Variants in RYR2 observed in about 807,000 individuals in gnomAD.
The protein encoded by RYR2 is ryanodine receptor 2.
In RYR2, 227 loss-of-function variants were observed where a neutral mutation model predicts 601.1. That is an observed-to-expected ratio of 0.38 (90% CI 0.34 to 0.42). The LOEUF is 0.42. RYR2 is among the 10% of genes least tolerant of loss of function. The probability of loss-of-function intolerance (pLI) is 1.00; values close to 1 mark genes in which losing one functional copy is unlikely to be tolerated. For missense variants in RYR2, 4,646 were observed against 6,156.5 expected (o/e 0.75, Z 8.21); for synonymous variants, 2,223 against 2,175.1 (o/e 1.02, Z -0.61).
chr1:237,597,225 A>G (rs1474503461), intron 34 of RYR2, among the ~76,000 whole-genome samples: 1 of 152,168 alleles, frequency 6.6e-6, no homozygotes, highest in Non-Finnish European at 1.5e-5. Flanking sequence ...TAAGGAACAT[A>G]CAATATAGAG....
intron 14 of RYR2, among the ~76,000 whole-genome samples, chr1:237,449,069 C>T (rs761161189): frequency 3.0e-4 from 46 of 152,256 alleles, no homozygotes; most frequent in Admixed American, 3.3e-4. Context: ...ACACACACGC[C>T]ACCACCATCA....
At chr1:237,521,742 A>G in intron 24 of RYR2, among the ~76,000 whole-genome samples, 2 of 67,164 alleles carry the variant, frequency 3.0e-5, no homozygotes. Flanking sequence ...AAAATTAAAT[A>G]CATAAAAAAA....
intron 19 of RYR2, among the ~76,000 whole-genome samples, chr1:237,493,683 A>G (rs1048886046): frequency 3.9e-5 from 6 of 152,116 alleles, no homozygotes; most frequent in African/African-American, 1.2e-4. Flanking sequence ...CGAACTCCTG[A>G]CCTCGTGATC....
intron 2 of RYR2, among the ~76,000 whole-genome samples, chr1:237,327,505 C>G (rs1418123417): frequency 2.0e-5 from 3 of 152,216 alleles, no homozygotes; most frequent in South Asian, 4.1e-4. Context: ...TTTAAATACA[C>G]CCAGAATATG....
chr1:237,120,334 T>C (rs1188763134), intron 1 of RYR2, among the ~76,000 whole-genome samples: 3 of 152,220 alleles, frequency 2.0e-5, no homozygotes, highest in Non-Finnish European at 4.4e-5. Flanking sequence ...AAATGCACTT[T>C]GAATTCCAAC....
In RYR2 at chr1:237,503,601, C is replaced by G; in HGVS notation, c.2613+96C>G. 6 of 1,139,108 alleles carry G rather than the reference C, an allele frequency of 5.3e-6. No homozygotes were observed. In the South Asian group the frequency reaches 8.3e-5, roughly 16 times the overall value. 70.6% of individuals were successfully genotyped at this position (1,139,108 alleles called of 1,614,324 possible). A position where few individuals can be genotyped will look rare whatever the true frequency, so the allele number is the denominator to read the frequency against. On this transcript the variant is annotated intron_variant, in intron 22 of 104. Transcript: ENST00000366574. The stretch of plus-strand genomic sequence containing the variant: ...GACCACAACCCATAGGAACGAATTT[C>G]ACAGTAATACAGTTGTACAGTTGAC...
At chr1:237,664,550 T>TC (rs1384588558) in intron 56 of RYR2, among the ~76,000 whole-genome samples, 2 of 152,162 alleles carry the variant, frequency 1.3e-5, no homozygotes, top group Non-Finnish European at 2.9e-5. Flanking sequence ...GAGAGGGGTT[T>TC]CCCCTTATGA....
chr1:237,258,326 T>A (rs978123027), intron 1 of RYR2, among the ~76,000 whole-genome samples: 2 of 151,972 alleles, frequency 1.3e-5, no homozygotes, highest in Admixed American at 1.3e-4. Flanking sequence ...ATGCAATATG[T>A]CTGATGGACT....
chr1:237,417,378 C>T (rs1705118874), intron 11 of RYR2, among the ~76,000 whole-genome samples: 1 of 152,156 alleles, frequency 6.6e-6, no homozygotes, highest in Non-Finnish European at 1.5e-5. Context: ...TCTTTAGCCT[C>T]ATTTGTTTTT....
At chr1:237,344,147 G>A (rs1257162811) in intron 3 of RYR2, among the ~76,000 whole-genome samples, 1 of 152,126 alleles carries the variant, frequency 6.6e-6, no homozygotes, top group Non-Finnish European at 1.5e-5. Flanking sequence ...TTAGTTCCTC[G>A]GGAAACTATT....
intron 62 of RYR2, 122 bp from the exon 63 acceptor site, chr1:237,687,333 T>C (rs1310249931): frequency 3.0e-6 from 2 of 662,172 alleles, no homozygotes; most frequent in Non-Finnish European, 2.6e-6. Context: ...TTCCGGCTCA[T>C]ATATCAGCTG....
intron 2 of RYR2, among the ~76,000 whole-genome samples, chr1:237,291,711 A>G (rs1264164546): frequency 1.3e-5 from 2 of 152,322 alleles, no homozygotes; most frequent in Middle Eastern, 3.4e-3. Context: ...ACATTCTGGA[A>G]CAGTCAAATC....
intron 25 of RYR2, among the ~76,000 whole-genome samples, chr1:237,540,911 G>GTATATATATATATATATA (rs61555601): frequency 1.3e-5 from 2 of 148,708 alleles, no homozygotes; most frequent in Non-Finnish European, 1.5e-5. Context: ...ATGTGTGTGT[G>GTATATATATATATATATA]TATATATATA....
chr1:237,237,686 T>TG (rs2149216906), intron 1 of RYR2, among the ~76,000 whole-genome samples: 1 of 152,334 alleles, frequency 6.6e-6, no homozygotes, highest in East Asian at 1.9e-4. Flanking sequence ...GAAATGGCTC[T>TG]GCAAAGCTAC....
chr1:237,269,125 C>T (rs1382249635), intron 1 of RYR2, among the ~76,000 whole-genome samples: 1 of 144,996 alleles, frequency 6.9e-6, no homozygotes, highest in Non-Finnish European at 1.5e-5. Flanking sequence ...TCACTGCAAC[C>T]TCCGCCTCCC....
At chr1:237,604,375 G>A (rs1239776716) in intron 35 of RYR2, among the ~76,000 whole-genome samples, 1 of 152,106 alleles carries the variant, frequency 6.6e-6, no homozygotes, top group Non-Finnish European at 1.5e-5. Flanking sequence ...TGAAACCAAC[G>A]AGAACAAAGA....
intron 10 of RYR2, among the ~76,000 whole-genome samples, chr1:237,389,794 T>C (rs1051657598): frequency 1.3e-5 from 2 of 152,038 alleles, no homozygotes; most frequent in Non-Finnish European, 2.9e-5. Context: ...CAGTAGGAAA[T>C]TGGGATGTCT....
At chr1:237,569,119 A>G (rs545164972) in intron 28 of RYR2, 26 bp from the exon 29 acceptor site, 2 of 1,592,796 alleles carry the variant, frequency 1.3e-6, no homozygotes, top group East Asian at 2.3e-5. Context: ...AGTCTGTGAC[A>G]AGGGACTTTT....
intron 10 of RYR2, among the ~76,000 whole-genome samples, chr1:237,393,405 C>T (rs377274340): frequency 7.2e-5 from 11 of 152,082 alleles, no homozygotes; most frequent in African/African-American, 2.7e-4. Context: ...ATTGATAAGG[C>T]ATGAGATGGA....
Sources: allele counts gnomAD v4.1 joint callset (sites outside exome capture counted in the v4.1 genomes callset), GRCh38; gene constraint gnomAD v4.1.1; transcripts MANE v1.5; gene names NCBI Gene and HGNC (gene_info 2026-07-23, HGNC 2026-07-21).